CDC16: variants seen among roughly 807,000 people sequenced by gnomAD.
CDC16 encodes cell division cycle 16, also known as cell division cycle protein 16 homolog.
Under a neutral mutation model 87.0 loss-of-function variants are expected in CDC16, and 34 were observed. That is an observed-to-expected ratio of 0.39 (90% CI 0.30 to 0.52). The LOEUF (loss-of-function observed/expected upper bound fraction) is 0.52, where lower values mean the gene tolerates loss of function less well. Ranked by LOEUF, CDC16 falls within the 20% of genes least tolerant of loss-of-function variation. The probability of loss-of-function intolerance (pLI) is 0.74; values close to 1 mark genes in which losing one functional copy is unlikely to be tolerated. For missense variants in CDC16, 653 were observed against 751.9 expected, an observed-to-expected ratio of 0.87 and a Z score of 1.54; for synonymous variants, 263 against 260.6, an observed-to-expected ratio of 1.01 and a Z score of -0.09.
chr13:114,243,093 G>T (rs2081641518), intron 6 of CDC16, among the ~76,000 whole-genome samples, 164 bp from the exon 7 acceptor site: 1 of 152,142 alleles, frequency 6.6e-6, no homozygotes, highest in African/African-American at 2.4e-5. Context: ...CCGTCTTCAG[G>T]CCTGGAGCCA....
chr13:114,270,801 C>A (rs1363088163), intron 17 of CDC16, among the ~76,000 whole-genome samples: 2 of 152,206 alleles, frequency 1.3e-5, no homozygotes, highest in East Asian at 3.9e-4. Context: ...CAAGTCTGAG[C>A]CTTAGTTTCC....
chr13:114,260,647 T>C (rs903104039), intron 14 of CDC16, among the ~76,000 whole-genome samples: 14 of 152,220 alleles, frequency 9.2e-5, no homozygotes, highest in African/African-American at 3.4e-4. Flanking sequence ...TTAATGGTTT[T>C]AAGTATGAAA....
chr13:114,239,357 C>T lies in CDC16; in HGVS notation c.248C>T (p.Ala83Val), dbSNP rs764570780. 8 of 1,604,900 alleles carry T rather than the reference C, an allele frequency of 5.0e-6. No homozygotes were observed. The highest frequency in any genetic ancestry group is 1.3e-5 in the African/African-American group (1 of 74,634). Reference sequence around the variant, plus strand: ...CTTCTGTTTTCCACGTAGTATGCTGCAAAAGAGCACCAGCAGGCCCTTGAT... The same window carrying T: ...CTTCTGTTTTCCACGTAGTATGCTGTAAAAGAGCACCAGCAGGCCCTTGAT... Reference protein sequence around the residue: ...RYLAARCHYAAKEHQQALDVL... With the variant: ...RYLAARCHYAVKEHQQALDVL... Residue 83 changes from alanine (A) to valine (V), a missense_variant, in exon 5 of 18, where the codon GCA becomes GTA. Transcript: ENST00000356221.
intron 14 of CDC16, 40 bp downstream of exon 14, chr13:114,259,438 CCT>C (rs575047863): frequency 6.0e-4 from 676 of 1,133,456 alleles, no homozygotes; most frequent in Non-Finnish European, 7.6e-4. Flanking sequence ...CATATACACC[CCT>C]GAGTGTTTAC....
chr13:114,238,970 C>T lies in CDC16; in HGVS notation c.202-20C>T. 6.2e-7 allele frequency: 1 copy of T among 1,606,588 alleles called. No homozygotes were observed. ...CATATTATTTTGACCACTACTTAAA[C>T]AAATTAATTTCTTTCCTAGTTGTAT... On this transcript the variant is annotated intron_variant, in intron 3 of 17. Coordinates refer to ENST00000356221, the MANE Select transcript of CDC16 (RefSeq NM_001078645.3).
chr13:114,241,313 A>G (rs1044485526), intron 5 of CDC16, among the ~76,000 whole-genome samples: 6 of 152,250 alleles, frequency 3.9e-5, no homozygotes, highest in Admixed American at 6.5e-5. Context: ...GAGAGGTTCA[A>G]TCACTTGTCC....
At chr13:114,239,703 A>T (rs920178295) in intron 5 of CDC16, among the ~76,000 whole-genome samples, 2 of 152,242 alleles carry the variant, frequency 1.3e-5, no homozygotes, top group African/African-American at 4.8e-5. Context: ...CCTGCATCCA[A>T]AATAGGCTGG....
intron 1 of CDC16, 22 bp from the exon 2 acceptor site, chr13:114,236,623 T>C (rs1378722861): frequency 5.1e-5 from 11 of 214,334 alleles, no homozygotes; most frequent in Non-Finnish European, 7.3e-5. Flanking sequence ...AGTTACCACC[T>C]TTTTTTTTTT....
intron 12 of CDC16, among the ~76,000 whole-genome samples, chr13:114,253,786 T>C (rs1249447768): frequency 6.6e-6 from 1 of 152,218 alleles, no homozygotes; most frequent in Non-Finnish European, 1.5e-5. Context: ...TTGGGTGAAG[T>C]GTTCCATAGA....
Position 114,263,026 on chromosome 13 carries a change from C to T in CDC16, c.1512+12C>T. ...ACTACTTCCACACAGTATGTCTTTT[C>T]TTTGTACCTAATTTTAAATCTGGTT... On this transcript the variant is annotated intron_variant, in intron 16 of 17. Coordinates refer to ENST00000356221, the MANE Select transcript of CDC16 (RefSeq NM_001078645.3). The T allele has an allele frequency of 6.2e-7, 1 of 1,611,608 alleles. No individual in the cohort carries two copies. Among genetic ancestry groups the T allele is most frequent in the African/African-American group, 1.3e-5 (1 of 74,976 alleles).
chr13:114,260,697 T>G (rs2082796791), intron 14 of CDC16, among the ~76,000 whole-genome samples: 1 of 152,130 alleles, frequency 6.6e-6, no homozygotes, highest in African/African-American at 2.4e-5. Flanking sequence ...CATTAAAAAG[T>G]TATACGAAGA....
intron 11 of CDC16, among the ~76,000 whole-genome samples, chr13:114,248,533 C>T (rs1160042953): frequency 6.6e-6 from 1 of 152,022 alleles, no homozygotes; most frequent in African/African-American, 2.4e-5. Flanking sequence ...ATAAAAAAAT[C>T]AGCTGGACAT....
intron 16 of CDC16, 51 bp from the exon 17 acceptor site, chr13:114,265,099 G>C: frequency 7.8e-7 from 1 of 1,281,530 alleles, no homozygotes; most frequent in Non-Finnish European, 1.1e-6. Context: ...AGTGTGGTAA[G>C]AGAAGGAAAT....
chr13:114,237,189 C>T (rs965260149), intron 3 of CDC16, among the ~76,000 whole-genome samples: 1 of 151,594 alleles, frequency 6.6e-6, no homozygotes, highest in Non-Finnish European at 1.5e-5. Flanking sequence ...GTGCATTGCA[C>T]TCCAGCCTGG....
At position 114,242,237 on chromosome 13, in the gene CDC16, G is replaced by A. The variant is rs139004069; in HGVS notation, c.498G>A (p.Ala166=). 4.1e-5 allele frequency: 66 copies of A among 1,614,034 alleles called. No individual in the cohort carries two copies. The highest frequency in any genetic ancestry group is 3.5e-4 in the Admixed American group (21 of 59,992). ...ALKLDVYCFE[A]FDLLTSHHML... ...AGCTTGATGTCTACTGTTTTGAAGC[G>A]TTCGATCTTTTAACATCACATCACA... Residue 166 remains alanine (A), a synonymous_variant, in exon 6 of 18, where the codon GCG becomes GCA. Transcript: ENST00000356221.
intron 17 of CDC16, among the ~76,000 whole-genome samples, chr13:114,270,746 T>C (rs1288678001): frequency 6.6e-6 from 1 of 152,114 alleles, no homozygotes; most frequent in Non-Finnish European, 1.5e-5. Context: ...AGATGCTAGG[T>C]TGAAGCCTCA....
chr13:114,263,080 AT>A, intron 16 of CDC16, 66 bp downstream of exon 16: 1 of 1,409,900 alleles, frequency 7.1e-7, no homozygotes, highest in Non-Finnish European at 1.0e-6. Context: ...TTTTGAAAAT[AT>A]TTTTTCTAGG....
Position 114,236,817 on chromosome 13 carries a change from A to G in CDC16, c.122A>G (p.Tyr41Cys). The part of the protein sequence containing the change: ...SLSREEPQDI[Y>C]WLAQCLYLTA... The stretch of plus-strand genomic sequence containing the variant: ...CCTCCAGAAGAACCCCAGGACATCT[A>G]TTGGTTGGCTCAGTGTCTTTACCTG... The change falls in exon 3 of 18, where the codon TAT becomes TGT. Residue 41 changes from tyrosine (Y) to cysteine (C), a missense_variant. Transcript: ENST00000356221. 2.5e-6 allele frequency: 4 copies of G among 1,613,542 alleles called. No individual in the cohort carries two copies. Among genetic ancestry groups the G allele is most frequent in the East Asian group, 4.5e-5 (2 of 44,864 alleles).
At position 114,245,386 on chromosome 13, in the gene CDC16, C is replaced by T. The variant is rs139656594; in HGVS notation, c.847+417C>T. ...TGTTTTCCGTATTTTTAACATTTGA[C>T]ATTTAGTTGTGTTTGGGGATGCATT... On this transcript the variant is annotated intron_variant, in intron 9 of 17. Coordinates refer to ENST00000356221, the MANE Select transcript of CDC16 (RefSeq NM_001078645.3). Among the ~76,000 whole-genome samples the T allele has an allele frequency of 3.8e-3, 577 of 150,826 alleles. 4 individuals carry two copies. Among genetic ancestry groups the T allele is most frequent in the Non-Finnish European group, 5.4e-3 (364 of 67,834 alleles).
Sources: allele counts gnomAD v4.1 joint callset (sites outside exome capture counted in the v4.1 genomes callset), GRCh38; gene constraint gnomAD v4.1.1; transcripts MANE v1.5; gene names NCBI Gene and HGNC (gene_info 2026-07-23, HGNC 2026-07-21).